PHTF2: variants seen among roughly 807,000 people sequenced by gnomAD.
PHTF2 encodes the protein protein PHTF2.
A neutral mutation model predicts 101.2 loss-of-function variants in PHTF2; 60 were observed. The ratio of observed to expected loss-of-function variants is 0.59; its 90% CI spans 0.48 to 0.73. The LOEUF is 0.73. PHTF2 is among the 30% of genes least tolerant of loss of function. The pLI is 0.00. For missense variants in PHTF2, 747 were observed against 908.7 expected, an observed-to-expected ratio of 0.82 and a Z score of 2.29; for synonymous variants, 311 against 307.3, an observed-to-expected ratio of 1.01 and a Z score of -0.13.
exon 11 of PHTF2, chr7:77,922,741 G>C (rs182350515): frequency 1.2e-6 from 2 of 1,606,152 alleles, no homozygotes; most frequent in South Asian, 1.1e-5. Flanking sequence ...CTTCGGAATA[G>C]AAAGTCACAC....
intron 5 of PHTF2, among the ~76,000 whole-genome samples, chr7:77,900,397 A>G (rs1332860615): frequency 6.6e-6 from 1 of 152,180 alleles, no homozygotes; most frequent in Non-Finnish European, 1.5e-5. Flanking sequence ...ATATGGGGCC[A>G]ATATAGTTCC....
At chr7:77,867,122 T>A (rs1798131592) in intron 3 of PHTF2, among the ~76,000 whole-genome samples, 1 of 152,258 alleles carries the variant, frequency 6.6e-6, no homozygotes, top group Admixed American at 6.5e-5. Flanking sequence ...TTACATGTTG[T>A]TAAGGCTAAG....
chr7:77,867,302 G>A (rs1259389805), intron 3 of PHTF2, among the ~76,000 whole-genome samples: 1 of 152,132 alleles, frequency 6.6e-6, no homozygotes, highest in Non-Finnish European at 1.5e-5. Context: ...CAGAACCAAG[G>A]CAAGTGAACG....
intron 2 of PHTF2, among the ~76,000 whole-genome samples, chr7:77,846,592 CCCT>C: frequency 8.2e-6 from 1 of 122,280 alleles, no homozygotes; most frequent in Admixed American, 8.2e-5. Flanking sequence ...CCCTCGCCTC[CCCT>C]CGCCTCCCTT....
intron 2 of PHTF2, among the ~76,000 whole-genome samples, chr7:77,843,098 A>C (rs188134717): frequency 6.6e-6 from 1 of 152,264 alleles, no homozygotes; most frequent in East Asian, 1.9e-4. Context: ...TGTAGATGTT[A>C]CTTGTTGACT....
chr7:77,878,082 C>G (rs1042165648), intron 3 of PHTF2, among the ~76,000 whole-genome samples: 1 of 152,090 alleles, frequency 6.6e-6, no homozygotes, highest in African/African-American at 2.4e-5. Context: ...CCGGAAAAAC[C>G]AATGCACTGA....
At chr7:77,873,511 A>G (rs1196670774) in intron 3 of PHTF2, among the ~76,000 whole-genome samples, 1 of 152,140 alleles carries the variant, frequency 6.6e-6, no homozygotes, top group African/African-American at 2.4e-5. Flanking sequence ...TCTAGAAGCA[A>G]ACAGGGGTGT....
At chr7:77,811,782 G>T (rs1283106937) in intron 1 of PHTF2, among the ~76,000 whole-genome samples, 1 of 152,088 alleles carries the variant, frequency 6.6e-6, no homozygotes, top group Non-Finnish European at 1.5e-5. Flanking sequence ...CTATGAAGTG[G>T]TATTTAGAGA....
chr7:77,954,125 G>A (rs539078846), intron 19 of PHTF2, among the ~76,000 whole-genome samples: 10 of 152,168 alleles, frequency 6.6e-5, no homozygotes, highest in Non-Finnish European at 1.3e-4. Flanking sequence ...ATAAGTAGAA[G>A]TATTTGGTTT....
Position 77,868,322 on chromosome 7 carries a change from A to ATTTT in PHTF2, c.147+13513_147+13516dup, listed in dbSNP as rs761861776. Among the ~76,000 whole-genome samples, 154 of 78,526 alleles carry ATTTT rather than the reference A, an allele frequency of 2.0e-3. 3 individuals are homozygous for ATTTT. Among genetic ancestry groups the ATTTT allele is most frequent in the African/African-American group, 6.8e-3 (122 of 17,904 alleles). The allele number at this position is 78,526 out of a possible 152,430, so 51.5% of individuals were successfully genotyped here. A position where few individuals can be genotyped will look rare whatever the true frequency, so the allele number is the denominator to read the frequency against. Reference sequence around the variant, plus strand: ...CTCGCAAGTGGCTAATTAAAAAAAAATTTTTTTTTTTTTTTTTTTTTTTTT... The same window carrying ATTTT: ...CTCGCAAGTGGCTAATTAAAAAAAAATTTTTTTTTTTTTTTTTTTTTTTTTTTTT... On this transcript the variant is annotated intron_variant, in intron 3 of 19. Transcript: ENST00000416283.
chr7:77,888,242 G>A (rs1800046333), intron 3 of PHTF2, among the ~76,000 whole-genome samples: 1 of 152,120 alleles, frequency 6.6e-6, no homozygotes, highest in Non-Finnish European at 1.5e-5. Flanking sequence ...AGCCTCCCAA[G>A]TAGCTGGGAT....
intron 1 of PHTF2, among the ~76,000 whole-genome samples, chr7:77,838,985 TATGCTCAAAAAGCATGCATGCTCCCACTC>T (rs1795669308): frequency 1.3e-5 from 2 of 152,206 alleles, no homozygotes; most frequent in South Asian, 4.1e-4. Flanking sequence ...TGAATCTTAA[TATGCTCAAAAAGCATGCATGCTCCCACTC>T]ATGCATGCTC....
intron 16 of PHTF2, among the ~76,000 whole-genome samples, chr7:77,948,290 T>C (rs1181231724): frequency 1.3e-5 from 2 of 152,160 alleles, no homozygotes; most frequent in Non-Finnish European, 2.9e-5. Flanking sequence ...CATATATATG[T>C]AGAAACCTAA....
chr7:77,936,780 T>C (rs1805179078), intron 12 of PHTF2, among the ~76,000 whole-genome samples: 1 of 147,518 alleles, frequency 6.8e-6, no homozygotes, highest in African/African-American at 2.6e-5. Flanking sequence ...TTAGTGTTAC[T>C]TCTCCTCTTG....
chr7:77,947,161 G>GCAA (rs138016145), intron 16 of PHTF2, among the ~76,000 whole-genome samples: 19,440 of 151,570 alleles, frequency 0.13, 1,500 homozygotes, highest in African/African-American at 0.21. Context: ...ATTTTCAATA[G>GCAA]CAACAACAAC....
At chr7:77,946,891 G>A (rs897660928) in intron 16 of PHTF2, among the ~76,000 whole-genome samples, 1 of 151,732 alleles carries the variant, frequency 6.6e-6, no homozygotes, top group African/African-American at 2.4e-5. Context: ...GAAGGCCAAG[G>A]TGGATGGATC....
At chr7:77,811,961 A>G (rs1264281516) in intron 1 of PHTF2, among the ~76,000 whole-genome samples, 1 of 152,256 alleles carries the variant, frequency 6.6e-6, no homozygotes, top group Non-Finnish European at 1.5e-5. Context: ...TAAAAATAAA[A>G]AAGTGAATAT....
intron 16 of PHTF2, 49 bp from the exon 16 acceptor site, chr7:77,949,629 A>G (rs1806368202): frequency 1.0e-6 from 1 of 997,986 alleles, no homozygotes; most frequent in Admixed American, 2.9e-5. Context: ...TTGAAAAGAA[A>G]TTGTTTGAAT....
chr7:77,935,880 T>A (rs1805081768), intron 12 of PHTF2, among the ~76,000 whole-genome samples: 1 of 152,232 alleles, frequency 6.6e-6, no homozygotes, highest in African/African-American at 2.4e-5. Context: ...CTTTTTGGTT[T>A]CCTTACGCTT....
Sources: gnomAD v4.1 joint callset for allele counts (sites outside exome capture counted in the v4.1 genomes callset) on GRCh38, gnomAD v4.1.1 for gene constraint, MANE v1.5 for transcripts, NCBI Gene and HGNC (gene_info 2026-07-23, HGNC 2026-07-21) for gene names.